PDS5B: variants seen among roughly 807,000 people sequenced by gnomAD.
PDS5B encodes the protein PDS5 cohesin associated factor B.
Under a neutral mutation model 184.1 loss-of-function variants are expected in PDS5B, and 51 were observed. The ratio of observed to expected loss-of-function variants is 0.28; its 90% CI spans 0.22 to 0.35. The LOEUF (loss-of-function observed/expected upper bound fraction) is 0.35, where lower values mean the gene tolerates loss of function less well. PDS5B is among the 10% of genes least tolerant of loss of function. The pLI, the probability that PDS5B is intolerant of heterozygous loss-of-function variation, is 1.00. For synonymous variants in PDS5B, 566 were observed against 569.2 expected, an observed-to-expected ratio of 0.99 and a Z score of 0.08; for missense variants, 1,180 against 1,723.3, an observed-to-expected ratio of 0.68 and a Z score of 5.58.
chr13:32,602,289 A>G (rs1177950178), intron 1 of PDS5B, among the ~76,000 whole-genome samples: 1 of 151,572 alleles, frequency 6.6e-6, no homozygotes, highest in Non-Finnish European at 1.5e-5. Context: ...GATGTTCCCC[A>G]CCCTGTGTCC....
chr13:32,741,913 A>T (rs551698682), intron 22 of PDS5B, among the ~76,000 whole-genome samples: 20 of 152,134 alleles, frequency 1.3e-4, no homozygotes, highest in African/African-American at 4.6e-4. Flanking sequence ...CTCAAGCTGC[A>T]GTTTTTGTAT....
At chr13:32,719,787 C>CA (rs1952605156) in intron 19 of PDS5B, among the ~76,000 whole-genome samples, 1 of 150,634 alleles carries the variant, frequency 6.6e-6, no homozygotes, top group African/African-American at 2.5e-5. Flanking sequence ...TAAAGACCCC[C>CA]CCCCCTTTTT....
chr13:32,704,756 T>A (rs1951958946), intron 17 of PDS5B, among the ~76,000 whole-genome samples: 1 of 152,230 alleles, frequency 6.6e-6, no homozygotes, highest in Non-Finnish European at 1.5e-5. Context: ...ACTAATTAAT[T>A]CTTCCATATG....
chr13:32,631,114 CTTTCTT>C (rs2058447805), intron 1 of PDS5B, among the ~76,000 whole-genome samples: 2 of 123,742 alleles, frequency 1.6e-5, no homozygotes. Flanking sequence ...TTCTTTTTTT[CTTTCTT>C]TTTTTTTTTT....
chr13:32,667,734 T>C (rs771097466), intron 6 of PDS5B, 30 bp from the exon 7 acceptor site: 6 of 1,361,888 alleles, frequency 4.4e-6, no homozygotes, highest in South Asian at 2.6e-5. Flanking sequence ...GTTAGAGATA[T>C]ATAATATAGA....
intron 1 of PDS5B, among the ~76,000 whole-genome samples, chr13:32,631,957 A>T (rs1156808876): frequency 6.6e-6 from 1 of 152,174 alleles, no homozygotes; most frequent in Non-Finnish European, 1.5e-5. Flanking sequence ...CTTATTAAAA[A>T]CAAAGAGGGA....
rs1051625279 is a variant in PDS5B, at chr13:32,722,930, C to T, written c.2124-9171C>T. Among the ~76,000 whole-genome samples the T allele has an allele frequency of 5.3e-5, 8 of 152,166 alleles. No homozygotes were observed. In the East Asian group the frequency reaches 7.7e-4, roughly 15 times the overall value. ...TGCAGTGGAAGAAATTAATAGGAAA[C>T]CAGCTCTTTGCAGATTTACAGCTTC... On this transcript the variant is annotated intron_variant, in intron 19 of 34. Transcript: ENST00000315596.
At position 32,758,527 on chromosome 13, in the gene PDS5B, A is replaced by G. The variant is rs566712146; in HGVS notation, c.3190-7A>G. On this transcript the variant is annotated splice_polypyrimidine_tract_variant and splice_region_variant and intron_variant, in intron 27 of 34. Coordinates refer to ENST00000315596, the MANE Select transcript of PDS5B (RefSeq NM_015032.4). Reference sequence around the variant, plus strand: ...GTATCTGTGTTTTTAAAAATATACTATTGCAGAAACTGTACACTGTGTGTG... The same window carrying G: ...GTATCTGTGTTTTTAAAAATATACTGTTGCAGAAACTGTACACTGTGTGTG... The G allele has an allele frequency of 3.0e-5, 48 of 1,606,268 alleles. No homozygotes were observed. Among genetic ancestry groups the G allele is most frequent in the Admixed American group, 5.1e-5 (3 of 58,894 alleles).
At chr13:32,660,437 T>A (rs552994679) in intron 6 of PDS5B, among the ~76,000 whole-genome samples, 6 of 151,946 alleles carry the variant, frequency 3.9e-5, no homozygotes, top group Non-Finnish European at 8.8e-5. Context: ...AAGGCAGAGG[T>A]CATGAATCCA....
chr13:32,750,847 C>CTGTGTGTGTGTGTGTGTGTGTGTG (rs71194534), intron 24 of PDS5B, among the ~76,000 whole-genome samples: 10 of 143,526 alleles, frequency 7.0e-5, no homozygotes, highest in African/African-American at 2.6e-4. Context: ...CGGCCTCCCT[C>CTGTGTGTGTGTGTGTGTGTGTGTG]TGTGTGTGTG....
intron 1 of PDS5B, among the ~76,000 whole-genome samples, chr13:32,626,405 A>G (rs1212077872): frequency 1.3e-5 from 2 of 152,204 alleles, no homozygotes; most frequent in Non-Finnish European, 2.9e-5. Flanking sequence ...GTGTATTGGA[A>G]AACCATTGTT....
At chr13:32,610,016 C>T (rs2058117407) in intron 1 of PDS5B, among the ~76,000 whole-genome samples, 1 of 152,040 alleles carries the variant, frequency 6.6e-6, no homozygotes, top group Non-Finnish European at 1.5e-5. Flanking sequence ...GGAGCAATGT[C>T]CTGCAGTAGG....
chr13:32,691,975 C>G (rs1355049983), intron 13 of PDS5B, among the ~76,000 whole-genome samples: 2 of 151,928 alleles, frequency 1.3e-5, no homozygotes, highest in African/African-American at 2.4e-5. Context: ...GATTTCACCA[C>G]ACTCCCCACT....
Position 32,775,396 on chromosome 13 carries a change from T to C in PDS5B, c.*344T>C, listed in dbSNP as rs12427439. On this transcript the variant is annotated 3_prime_UTR_variant, in exon 35 of 35. Coordinates refer to ENST00000315596, the MANE Select transcript of PDS5B (RefSeq NM_015032.4). ...GCTTTAAACTGACAGTACCCGACTG[T>C]TTATTGGATCTATTGATTTGAAAAG... 3.4e-3 allele frequency: 1,116 copies of C among 328,540 alleles called. 39 individuals carry two copies. In the Admixed American group the frequency reaches 0.047, roughly 14 times the overall value. 20.4% of individuals were successfully genotyped at this position (328,540 alleles called of 1,614,324 possible).
intron 31 of PDS5B, among the ~76,000 whole-genome samples, chr13:32,766,092 CACTT>C (rs1471763312): frequency 6.6e-6 from 1 of 152,202 alleles, no homozygotes; most frequent in African/African-American, 2.4e-5. Context: ...TCTTAGTTCT[CACTT>C]ACTGCAGAAA....
chr13:32,726,454 T>C (rs1455869518), intron 19 of PDS5B, among the ~76,000 whole-genome samples: 3 of 152,232 alleles, frequency 2.0e-5, no homozygotes, highest in Admixed American at 6.5e-5. Flanking sequence ...GGAGCAGTTC[T>C]TAGAAATAGA....
chr13:32,698,497 G>A (rs1951771404), intron 15 of PDS5B, among the ~76,000 whole-genome samples: 2 of 151,990 alleles, frequency 1.3e-5, no homozygotes, highest in Admixed American at 1.3e-4. Flanking sequence ...AAGTGATCAT[G>A]TTTATCTGTT....
chr13:32,591,671 T>A (rs1209065859), intron 1 of PDS5B, among the ~76,000 whole-genome samples: 1 of 152,246 alleles, frequency 6.6e-6, no homozygotes, highest in African/African-American at 2.4e-5. Context: ...ATTTGATATA[T>A]GAAATTTGTC....
chr13:32,657,317 AG>A (rs1196267450), intron 3 of PDS5B, among the ~76,000 whole-genome samples: 2 of 152,200 alleles, frequency 1.3e-5, no homozygotes. Context: ...ACCCTTTATC[AG>A]TATGTAATGC....
Sources: gnomAD v4.1 joint callset for allele counts (sites outside exome capture counted in the v4.1 genomes callset) on GRCh38, gnomAD v4.1.1 for gene constraint, MANE v1.5 for transcripts, NCBI Gene and HGNC (gene_info 2026-07-23, HGNC 2026-07-21) for gene names.